The following JAKMIP2 variants were observed in gnomAD, a reference collection of about 807,000 sequenced individuals.
The protein encoded by JAKMIP2 is janus kinase and microtubule-interacting protein 2.
Under a neutral mutation model 115.0 loss-of-function variants are expected in JAKMIP2, and 25 were observed. That is an observed-to-expected ratio of 0.22 (90% CI 0.16 to 0.30). The LOEUF (loss-of-function observed/expected upper bound fraction) is 0.30. Ranked by LOEUF, JAKMIP2 falls within the 10% of genes least tolerant of loss-of-function variation. JAKMIP2 has a pLI of 1.00. For missense variants in JAKMIP2, 642 were observed against 957.6 expected, an observed-to-expected ratio of 0.67 and a Z score of 4.35; for synonymous variants, 334 against 343.6, an observed-to-expected ratio of 0.97 and a Z score of 0.31.
chr5:147,759,635 C>G (rs929383101), intron 1 of JAKMIP2, among the ~76,000 whole-genome samples: 12 of 152,020 alleles, frequency 7.9e-5, no homozygotes, highest in Non-Finnish European at 1.5e-5. Context: ...GAGAGAGCCT[C>G]CCTTAAAACA....
chr5:147,728,448 T>C (rs763491602), intron 1 of JAKMIP2, among the ~76,000 whole-genome samples: 28 of 152,330 alleles, frequency 1.8e-4, no homozygotes, highest in Middle Eastern at 3.4e-3. Context: ...ATCTGTTTTG[T>C]CTTCCAGCTG....
At chr5:147,624,370 G>A (rs1241521800) in intron 16 of JAKMIP2, among the ~76,000 whole-genome samples, 1 of 152,118 alleles carries the variant, frequency 6.6e-6, no homozygotes, top group Non-Finnish European at 1.5e-5. Context: ...GAGATGACTG[G>A]GAAAAAATGA....
intron 1 of JAKMIP2, among the ~76,000 whole-genome samples, chr5:147,734,358 T>C (rs1032556552): frequency 2.0e-5 from 3 of 152,052 alleles, no homozygotes; most frequent in South Asian, 2.1e-4. Context: ...CCCAGGGACA[T>C]GGATGAAGCT....
At chr5:147,616,038 T>G (rs1756560134) in intron 19 of JAKMIP2, among the ~76,000 whole-genome samples, 2 of 152,124 alleles carry the variant, frequency 1.3e-5, no homozygotes, top group Non-Finnish European at 2.9e-5. Context: ...AAGACTCCAG[T>G]GTTTCTAGCC....
intron 18 of JAKMIP2, among the ~76,000 whole-genome samples, chr5:147,620,463 A>G (rs1237296963): frequency 2.0e-5 from 3 of 152,190 alleles, no homozygotes; most frequent in Admixed American, 6.5e-5. Context: ...ATTAGGTATT[A>G]TAAGAATATC....
intron 1 of JAKMIP2, among the ~76,000 whole-genome samples, chr5:147,780,807 C>G (rs1755729113): frequency 1.3e-5 from 2 of 152,050 alleles, no homozygotes; most frequent in Admixed American, 1.3e-4. Flanking sequence ...AGATGCAAGA[C>G]TAAAGACCCA....
At chr5:147,774,455 A>G (rs1424243545) in intron 1 of JAKMIP2, among the ~76,000 whole-genome samples, 1 of 152,200 alleles carries the variant, frequency 6.6e-6, no homozygotes, top group Non-Finnish European at 1.5e-5. Context: ...TTATCATCAT[A>G]TAAAAATTTG....
intron 1 of JAKMIP2, among the ~76,000 whole-genome samples, chr5:147,711,246 G>A (rs1419906364): frequency 6.6e-6 from 1 of 152,150 alleles, no homozygotes; most frequent in Admixed American, 6.5e-5. Flanking sequence ...TGAGGTTGTT[G>A]TGGCTTCTTA....
At chr5:147,628,844 T>C in intron 15 of JAKMIP2, 28 bp from the exon 16 acceptor site, 1 of 1,539,474 alleles carries the variant, frequency 6.5e-7, no homozygotes, top group Non-Finnish European at 9.0e-7. Context: ...GGCCGTCAGC[T>C]GAACATACTG....
chr5:147,734,110 T>C (rs969801755), intron 1 of JAKMIP2, among the ~76,000 whole-genome samples: 3 of 152,154 alleles, frequency 2.0e-5, no homozygotes, highest in African/African-American at 7.2e-5. Context: ...GAACAAACAC[T>C]TCTCAAAATA....
At chr5:147,658,990 G>A (rs1758822893) in intron 3 of JAKMIP2, among the ~76,000 whole-genome samples, 2 of 152,228 alleles carry the variant, frequency 1.3e-5, no homozygotes, top group South Asian at 4.2e-4. Flanking sequence ...GAGTGGGACT[G>A]GGACCCGCTT....
intron 1 of JAKMIP2, among the ~76,000 whole-genome samples, chr5:147,714,165 G>A (rs779867240): frequency 3.3e-5 from 5 of 152,084 alleles, no homozygotes; most frequent in African/African-American, 1.2e-4. Flanking sequence ...AACACACAAA[G>A]ACTTCAAATA....
chr5:147,703,292 A>T (rs2126892118), intron 1 of JAKMIP2, among the ~76,000 whole-genome samples: 1 of 152,264 alleles, frequency 6.6e-6, no homozygotes, highest in Admixed American at 6.5e-5. Context: ...TACAGCATGC[A>T]ACTGTACTTC....
At chr5:147,660,819 C>T in intron 3 of JAKMIP2, 129 bp downstream of exon 3, 1 of 1,005,490 alleles carries the variant, frequency 9.9e-7, no homozygotes, top group Non-Finnish European at 1.5e-6. Context: ...TTGGATAGAG[C>T]ACTGGACAAA....
chr5:147,662,161 T>TAC (rs61492351), intron 2 of JAKMIP2, among the ~76,000 whole-genome samples: 2,489 of 147,096 alleles, frequency 0.017, 43 homozygotes, highest in African/African-American at 0.042. Context: ...CCCCAAGTTT[T>TAC]ACACACACAC....
At chr5:147,611,292 T>C (rs1403583870) in intron 20 of JAKMIP2, among the ~76,000 whole-genome samples, 1 of 152,170 alleles carries the variant, frequency 6.6e-6, no homozygotes, top group Non-Finnish European at 1.5e-5. Context: ...GTTTTGTGCT[T>C]GAAACCCAGG....
intron 21 of JAKMIP2, among the ~76,000 whole-genome samples, chr5:147,597,207 G>C (rs147299688): frequency 6.6e-6 from 1 of 152,132 alleles, no homozygotes; most frequent in East Asian, 1.9e-4. Flanking sequence ...TCTAAATGAC[G>C]AATATAATAG....
chr5:147,666,585 T>C (rs1472747670), intron 2 of JAKMIP2, among the ~76,000 whole-genome samples: 1 of 152,164 alleles, frequency 6.6e-6, no homozygotes, highest in Admixed American at 6.5e-5. Context: ...CATCACAAGT[T>C]GTGATAAGAA....
chr5:147,652,681 T>A (rs1444249648), intron 3 of JAKMIP2, among the ~76,000 whole-genome samples: 2 of 152,178 alleles, frequency 1.3e-5, no homozygotes, highest in Non-Finnish European at 2.9e-5. Flanking sequence ...TGGCTCAGAT[T>A]TACTTTTTAA....
Sources: allele counts gnomAD v4.1 joint callset (sites outside exome capture counted in the v4.1 genomes callset), GRCh38; gene constraint gnomAD v4.1.1; transcripts MANE v1.5; gene names NCBI Gene and HGNC (gene_info 2026-07-23, HGNC 2026-07-21).